The following LRP1B variants were observed in gnomAD, a reference collection of about 807,000 sequenced individuals.
LRP1B encodes LDL receptor related protein 1B, also known as low-density lipoprotein receptor-related protein 1B.
In LRP1B, 217 loss-of-function variants were observed where a neutral mutation model predicts 556.6. The observed-to-expected ratio is 0.39, with a 90% CI of 0.35 to 0.44. The LOEUF is 0.44. Ranked by LOEUF, LRP1B falls within the 20% of genes least tolerant of loss-of-function variation. The probability of loss-of-function intolerance (pLI) is 1.00; values close to 1 mark genes in which losing one functional copy is unlikely to be tolerated. For synonymous variants in LRP1B, 2,047 were observed against 1,865.8 expected (o/e 1.10, Z -2.50); for missense variants, 5,053 against 5,620.8 (o/e 0.90, Z 3.23).
chr2:141,054,559 T>C (rs1023874237), intron 10 of LRP1B, among the ~76,000 whole-genome samples: 4 of 151,990 alleles, frequency 2.6e-5, no homozygotes, highest in Non-Finnish European at 5.9e-5. Flanking sequence ...ATCTAAGAGA[T>C]TAGAAAACTT....
chr2:141,294,319 T>C (rs1414768692), intron 3 of LRP1B, among the ~76,000 whole-genome samples: 2 of 152,178 alleles, frequency 1.3e-5, no homozygotes, highest in African/African-American at 4.8e-5. Flanking sequence ...AATATAAACA[T>C]ATTATGACTT....
chr2:140,347,647 C>T (rs963402797), intron 77 of LRP1B, among the ~76,000 whole-genome samples: 1 of 151,974 alleles, frequency 6.6e-6, no homozygotes, highest in East Asian at 1.9e-4. Context: ...AAACATCCTG[C>T]TACCACATGG....
intron 84 of LRP1B, among the ~76,000 whole-genome samples, chr2:140,285,687 T>C (rs1398485070): frequency 6.6e-6 from 1 of 151,852 alleles, no homozygotes; most frequent in African/African-American, 2.4e-5. Context: ...TTAATTACAT[T>C]GTTAATAGCA....
intron 2 of LRP1B, among the ~76,000 whole-genome samples, chr2:141,691,682 T>A (rs1163724547): frequency 6.6e-6 from 1 of 151,980 alleles, no homozygotes; most frequent in Non-Finnish European, 1.5e-5. Flanking sequence ...TTTCTATTCT[T>A]TGGAACACCT....
rs887501166 is a variant in LRP1B, at chr2:141,945,555, A to C, written c.83-135154T>G. Among the ~76,000 whole-genome samples the C allele has an allele frequency of 4.3e-4, 63 of 148,186 alleles. 1 individual carries two copies. The highest frequency in any genetic ancestry group is 1.3e-3 in the African/African-American group (51 of 40,072). On this transcript the variant is annotated intron_variant, in intron 1 of 90. Transcript: ENST00000389484. The stretch of plus-strand genomic sequence containing the variant: ...TGTATATATGTATATATATATATAT[A>C]TCTCCACAATTGATCTAAATTATTG...
intron 11 of LRP1B, among the ~76,000 whole-genome samples, chr2:141,023,640 C>A (rs914088974): frequency 4.6e-5 from 7 of 151,928 alleles, no homozygotes; most frequent in African/African-American, 1.7e-4. Context: ...AATATAATTG[C>A]CTCTTTTTAA....
intron 1 of LRP1B, among the ~76,000 whole-genome samples, chr2:142,102,619 T>TA (rs1706608772): frequency 1.3e-5 from 2 of 151,826 alleles, no homozygotes; most frequent in South Asian, 2.1e-4. Context: ...ATAATTTGGC[T>TA]ACTGAAAATA....
At chr2:141,206,618 A>T (rs975057938) in intron 6 of LRP1B, among the ~76,000 whole-genome samples, 3 of 151,924 alleles carry the variant, frequency 2.0e-5, no homozygotes, top group African/African-American at 7.3e-5. Context: ...CACTATTTCT[A>T]AACAAAGAAC....
At chr2:140,385,135 G>C (rs1465621808) in intron 67 of LRP1B, among the ~76,000 whole-genome samples, 1 of 152,056 alleles carries the variant, frequency 6.6e-6, no homozygotes, top group Non-Finnish European at 1.5e-5. Context: ...CGTAGTCCCA[G>C]CTGGAAGGTT....
intron 20 of LRP1B, among the ~76,000 whole-genome samples, chr2:140,926,589 C>T (rs1040018253): frequency 8.5e-5 from 13 of 152,144 alleles, no homozygotes; most frequent in African/African-American, 1.7e-4. Context: ...GAGATTCTCC[C>T]GCCTCAGTCT....
At chr2:141,673,546 T>C (rs1055490453) in intron 2 of LRP1B, among the ~76,000 whole-genome samples, 20 of 152,150 alleles carry the variant, frequency 1.3e-4, no homozygotes, top group African/African-American at 4.8e-4. Flanking sequence ...TAAAATGTGC[T>C]GTCCAAAGTA....
Position 141,520,327 on chromosome 2 carries a change from A to G in LRP1B, c.206-39794T>C, listed in dbSNP as rs1045232423. ...AAGATTCTGTCAGAGCATCCTTATC[A>G]AAACCAGTCGTAATTGCCATTTCCT... On this transcript the variant is annotated intron_variant, in intron 2 of 90. Coordinates refer to ENST00000389484, the MANE Select transcript of LRP1B (RefSeq NM_018557.3). 7.2e-5 allele frequency among the ~76,000 whole-genome samples: 11 copies of G among 152,338 alleles called. No homozygotes were observed. In the South Asian group the frequency reaches 2.3e-3, roughly 32 times the overall value.
intron 2 of LRP1B, among the ~76,000 whole-genome samples, chr2:141,749,064 G>C (rs779895237): frequency 6.6e-6 from 1 of 152,006 alleles, no homozygotes; most frequent in African/African-American, 2.4e-5. Context: ...TTTATAAAAC[G>C]AATTTAGAAA....
intron 3 of LRP1B, among the ~76,000 whole-genome samples, chr2:141,327,940 A>G (rs1015057304): frequency 6.6e-6 from 1 of 152,176 alleles, no homozygotes; most frequent in Admixed American, 6.5e-5. Flanking sequence ...GCACACATCT[A>G]TATAATGTGA....
At chr2:141,752,494 T>C (rs1412845412) in intron 2 of LRP1B, among the ~76,000 whole-genome samples, 1 of 152,126 alleles carries the variant, frequency 6.6e-6, no homozygotes, top group Non-Finnish European at 1.5e-5. Context: ...ATTTAGCTTA[T>C]TTTCTTCCTC....
At chr2:140,959,964 T>C (rs1453594550) in intron 18 of LRP1B, among the ~76,000 whole-genome samples, 1 of 151,570 alleles carries the variant, frequency 6.6e-6, no homozygotes, top group Non-Finnish European at 1.5e-5. Flanking sequence ...AGTAGTGAGG[T>C]TGCCTGGGGT....
intron 89 of LRP1B, among the ~76,000 whole-genome samples, chr2:140,237,433 C>A (rs1243377788): frequency 1.3e-5 from 2 of 150,826 alleles, no homozygotes; most frequent in Admixed American, 1.3e-4. Flanking sequence ...GTGAATAATG[C>A]TGTAAAAATC....
chr2:141,780,317 T>C (rs989220815), intron 2 of LRP1B, among the ~76,000 whole-genome samples: 4 of 152,100 alleles, frequency 2.6e-5, no homozygotes, highest in African/African-American at 9.7e-5. Context: ...ATGATTCTTT[T>C]TTAAAATGAA....
intron 1 of LRP1B, among the ~76,000 whole-genome samples, chr2:141,903,000 G>C (rs1699663730): frequency 6.6e-6 from 1 of 151,874 alleles, no homozygotes; most frequent in Non-Finnish European, 1.5e-5. Flanking sequence ...TCTGTAGGCT[G>C]TGCCTTTCCT....
Sources: gnomAD v4.1 joint callset for allele counts (sites outside exome capture counted in the v4.1 genomes callset) on GRCh38, gnomAD v4.1.1 for gene constraint, MANE v1.5 for transcripts, NCBI Gene and HGNC (gene_info 2026-07-23, HGNC 2026-07-21) for gene names.